AGBL4: variants seen among roughly 807,000 people sequenced by gnomAD.
AGBL4 encodes the protein AGBL carboxypeptidase 4, also known as cytosolic carboxypeptidase 6.
A neutral mutation model predicts 66.4 loss-of-function variants in AGBL4; 58 were observed. That is an observed-to-expected ratio of 0.87 (90% confidence interval 0.71 to 1.09). AGBL4 has a LOEUF of 1.09. Ranked by LOEUF, AGBL4 falls within the 50% of genes least tolerant of loss-of-function variation. AGBL4 has a pLI of 0.00. For missense variants in AGBL4, 579 were observed against 631.0 expected (o/e 0.92, Z 0.88); for synonymous variants, 234 against 222.9 (o/e 1.05, Z -0.44).
intron 4 of AGBL4, among the ~76,000 whole-genome samples, chr1:49,105,489 T>G (rs1399461691): frequency 6.6e-6 from 1 of 152,138 alleles, no homozygotes; most frequent in East Asian, 1.9e-4. Context: ...TGGAGAGAGT[T>G]AGGACCGGAA....
intron 2 of AGBL4, among the ~76,000 whole-genome samples, chr1:49,847,949 C>T (rs1005645611): frequency 2.0e-5 from 3 of 152,238 alleles, no homozygotes; most frequent in Non-Finnish European, 4.4e-5. Context: ...GATCCGCCCG[C>T]CTGGGCCTCC....
intron 2 of AGBL4, among the ~76,000 whole-genome samples, chr1:49,739,093 G>A (rs911942113): frequency 6.6e-6 from 1 of 151,036 alleles, no homozygotes; most frequent in Non-Finnish European, 1.5e-5. Flanking sequence ...GGCTTCAGAC[G>A]ATCAAACTAC....
chr1:48,828,960 T>C (rs768734458), intron 6 of AGBL4, among the ~76,000 whole-genome samples: 9 of 152,200 alleles, frequency 5.9e-5, no homozygotes, highest in Non-Finnish European at 8.8e-5. Context: ...CTCACAACCA[T>C]TGCTCTTTGC....
intron 6 of AGBL4, chr1:48,776,613 C>A: frequency 6.9e-7 from 1 of 1,441,594 alleles, no homozygotes; most frequent in South Asian, 1.4e-5. Flanking sequence ...CACCTGCCAG[C>A]GCCAGGATCT....
At chr1:48,623,712 A>G (rs1172313490) in intron 9 of AGBL4, among the ~76,000 whole-genome samples, 5 of 152,356 alleles carry the variant, frequency 3.3e-5, no homozygotes, top group Non-Finnish European at 5.9e-5. Flanking sequence ...CCTAAAATGT[A>G]ACCTGTACTC....
intron 6 of AGBL4, among the ~76,000 whole-genome samples, chr1:48,771,391 A>G (rs1644823325): frequency 6.6e-6 from 1 of 152,210 alleles, no homozygotes; most frequent in African/African-American, 2.4e-5. Flanking sequence ...CACCACATAA[A>G]AAGCAACTTG....
In AGBL4 at chr1:48,682,643, T is replaced by C. The variant is rs183297080; in HGVS notation, c.635-19402A>G. 5.7e-3 allele frequency among the ~76,000 whole-genome samples: 865 copies of C among 152,306 alleles called. 8 individuals carry two copies. Among genetic ancestry groups the C allele is most frequent in the African/African-American group, 0.02 (834 of 41,568 alleles). ...CCTGGGCTCAAGCAATCTGCCTGTC[T>C]TGGCCTCCCAAAATGCTGGGACTAC... On this transcript the variant is annotated intron_variant, in intron 6 of 13. Coordinates refer to ENST00000371839, the MANE Select transcript of AGBL4 (RefSeq NM_032785.4).
chr1:49,439,379 C>G (rs1320784609), intron 3 of AGBL4, among the ~76,000 whole-genome samples: 4 of 152,164 alleles, frequency 2.6e-5, no homozygotes, highest in Admixed American at 2.6e-4. Flanking sequence ...TAAGACTGTA[C>G]CAGAAATCTG....
intron 3 of AGBL4, among the ~76,000 whole-genome samples, chr1:49,587,565 C>A (rs996489511): frequency 3.9e-5 from 6 of 152,092 alleles, no homozygotes; most frequent in Admixed American, 1.3e-4. Flanking sequence ...ATTAAATACC[C>A]GCTAGCTGGA....
chr1:48,570,587 G>A (rs899566758), intron 11 of AGBL4, among the ~76,000 whole-genome samples: 8 of 152,110 alleles, frequency 5.3e-5, no homozygotes, highest in East Asian at 1.9e-4. Context: ...GCTTCATAAC[G>A]CTGCCATGAG....
At chr1:49,671,700 A>C (rs886239783) in intron 3 of AGBL4, among the ~76,000 whole-genome samples, 2 of 152,340 alleles carry the variant, frequency 1.3e-5, no homozygotes, top group East Asian at 1.9e-4. Context: ...TCTCAAAAGA[A>C]GACATACATG....
At chr1:49,782,856 G>A (rs186234914) in intron 2 of AGBL4, among the ~76,000 whole-genome samples, 44 of 152,090 alleles carry the variant, frequency 2.9e-4, no homozygotes, top group Middle Eastern at 3.4e-3. Context: ...CCAGATGCTC[G>A]CCCCTCAATC....
intron 11 of AGBL4, among the ~76,000 whole-genome samples, chr1:48,553,904 T>C (rs554742446): frequency 6.6e-6 from 1 of 152,288 alleles, no homozygotes; most frequent in African/African-American, 2.4e-5. Flanking sequence ...TGAAATGGAA[T>C]GAACAATATG....
At chr1:49,213,263 T>A (rs1412738310) in intron 4 of AGBL4, among the ~76,000 whole-genome samples, 4 of 152,150 alleles carry the variant, frequency 2.6e-5, no homozygotes, top group Admixed American at 2.6e-4. Flanking sequence ...TTACCTTTCT[T>A]GATTAGCAGA....
chr1:49,089,533 A>G (rs1175312924), intron 4 of AGBL4, among the ~76,000 whole-genome samples: 1 of 152,138 alleles, frequency 6.6e-6, no homozygotes, highest in South Asian at 2.1e-4. Flanking sequence ...TGTCTATACA[A>G]GACTGAACAA....
chr1:49,334,229 A>G (rs974226633), intron 3 of AGBL4, among the ~76,000 whole-genome samples: 5 of 152,186 alleles, frequency 3.3e-5, no homozygotes, highest in Admixed American at 1.3e-4. Context: ...CTGAAGCATA[A>G]CAAAGTGAAA....
At chr1:48,801,495 C>T (rs1645806194) in intron 6 of AGBL4, among the ~76,000 whole-genome samples, 1 of 152,324 alleles carries the variant, frequency 6.6e-6, no homozygotes, top group Non-Finnish European at 1.5e-5. Flanking sequence ...GGATGGCTTC[C>T]CTGGGCTTCA....
At chr1:49,588,876 A>C (rs1644700423) in intron 3 of AGBL4, among the ~76,000 whole-genome samples, 1 of 152,220 alleles carries the variant, frequency 6.6e-6, no homozygotes, top group African/African-American at 2.4e-5. Flanking sequence ...AACTTAACCA[A>C]GACCACATAC....
At chr1:49,265,600 T>C (rs1301719734) in intron 3 of AGBL4, among the ~76,000 whole-genome samples, 1 of 152,160 alleles carries the variant, frequency 6.6e-6, no homozygotes, top group African/African-American at 2.4e-5. Flanking sequence ...TTTATCATCT[T>C]TCTGAGCCTG....
Sources: allele counts gnomAD v4.1 joint callset (sites outside exome capture counted in the v4.1 genomes callset), GRCh38; gene constraint gnomAD v4.1.1; transcripts MANE v1.5; gene names NCBI Gene and HGNC (gene_info 2026-07-23, HGNC 2026-07-21).